Variants in PTPRD observed in about 807,000 individuals in gnomAD.
PTPRD encodes protein tyrosine phosphatase receptor type D.
Under a neutral mutation model 214.5 loss-of-function variants are expected in PTPRD, and 34 were observed. That is an observed-to-expected ratio of 0.16 (90% CI 0.12 to 0.21). The LOEUF (loss-of-function observed/expected upper bound fraction) is 0.21. Among genes scored for constraint, PTPRD ranks in the 10% least tolerant of loss-of-function variants. The pLI, the probability that PTPRD is intolerant of heterozygous loss-of-function variation, is 1.00. For synonymous variants in PTPRD, 1,128 were observed against 845.7 expected, an observed-to-expected ratio of 1.33 and a Z score of -5.79; for missense variants, 2,545 against 2,398.7, an observed-to-expected ratio of 1.06 and a Z score of -1.27.
In PTPRD at chr9:9,333,504, T is replaced by TATATATATATATATATATATATA. The variant is rs1555249397; in HGVS notation, c.-203+63944_-203+63945insTATATATATATATATATATATAT. On this transcript the variant is annotated intron_variant, in intron 9 of 45. Coordinates refer to ENST00000381196, the MANE Select transcript of PTPRD (RefSeq NM_002839.4). ...TAAAACATATATATTATATAGTATA[T>TATATATATATATATATATATATA]TATATATATATATATATATATAAAG... Among the ~76,000 whole-genome samples, 357 of 137,160 alleles carry TATATATATATATATATATATATA rather than the reference T, an allele frequency of 2.6e-3. 12 individuals carry two copies. The highest frequency in any genetic ancestry group is 9.8e-3 in the African/African-American group (337 of 34,222). The allele number at this position is 137,160 out of a possible 152,430, so 90.0% of individuals were successfully genotyped here. A position where few individuals can be genotyped will look rare whatever the true frequency, so the allele number is the denominator to read the frequency against.
At chr9:8,628,233 T>C (rs1204934095) in intron 14 of PTPRD, among the ~76,000 whole-genome samples, 1 of 151,854 alleles carries the variant, frequency 6.6e-6, no homozygotes, top group African/African-American at 2.4e-5. Flanking sequence ...GAGGCATTAA[T>C]AAAATGAGAC....
intron 11 of PTPRD, among the ~76,000 whole-genome samples, chr9:8,965,028 G>A (rs1014772903): frequency 1.3e-5 from 2 of 151,950 alleles, no homozygotes; most frequent in African/African-American, 4.8e-5. Context: ...TATGGTGATG[G>A]GTGCATGTAG....
intron 2 of PTPRD, among the ~76,000 whole-genome samples, chr9:10,594,600 T>C (rs2076212714): frequency 6.6e-6 from 1 of 152,044 alleles, no homozygotes; most frequent in East Asian, 1.9e-4. Context: ...TGGAGTTTAA[T>C]GGCTGACAGA....
chr9:9,683,864 A>C (rs1399643149), intron 7 of PTPRD, among the ~76,000 whole-genome samples: 1 of 151,768 alleles, frequency 6.6e-6, no homozygotes, highest in Non-Finnish European at 1.5e-5. Context: ...ACTTTAAGTT[A>C]GTTCGGGTTC....
At chr9:10,576,912 T>C (rs532397693) in intron 2 of PTPRD, among the ~76,000 whole-genome samples, 2 of 152,286 alleles carry the variant, frequency 1.3e-5, no homozygotes, top group South Asian at 4.1e-4. Context: ...CCCTTATATT[T>C]AATATGTTCA....
At chr9:9,925,523 A>C (rs1381027659) in intron 5 of PTPRD, among the ~76,000 whole-genome samples, 1 of 152,062 alleles carries the variant, frequency 6.6e-6, no homozygotes, top group African/African-American at 2.4e-5. Context: ...ACTTCACATT[A>C]GTTTTTTTAA....
chr9:10,352,478 T>C (rs1029012708), intron 2 of PTPRD, among the ~76,000 whole-genome samples: 11 of 152,186 alleles, frequency 7.2e-5, no homozygotes, highest in African/African-American at 1.9e-4. Context: ...AGTAGAAATT[T>C]TACATCACCT....
intron 8 of PTPRD, among the ~76,000 whole-genome samples, chr9:9,566,855 C>T (rs916694308): frequency 1.3e-4 from 20 of 152,098 alleles, no homozygotes; most frequent in Non-Finnish European, 2.5e-4. Flanking sequence ...TCCGAACATT[C>T]GCTCTGCTTA....
intron 7 of PTPRD, among the ~76,000 whole-genome samples, chr9:9,626,379 GC>G (rs1195186574): frequency 6.6e-6 from 1 of 152,118 alleles, no homozygotes; most frequent in Non-Finnish European, 1.5e-5. Context: ...CCAGCATAGT[GC>G]CTAACAAGTC....
At chr9:9,511,171 T>C (rs57940179) in intron 8 of PTPRD, among the ~76,000 whole-genome samples, 81 of 151,936 alleles carry the variant, frequency 5.3e-4, no homozygotes, top group African/African-American at 1.9e-3. Context: ...CAATTAAAAA[T>C]ATCACACTGT....
intron 9 of PTPRD, among the ~76,000 whole-genome samples, chr9:9,302,365 G>A (rs1412905293): frequency 6.6e-6 from 1 of 151,766 alleles, no homozygotes; most frequent in Admixed American, 6.6e-5. Flanking sequence ...GTTATTGATA[G>A]GCAGCTCTCT....
chr9:9,660,972 C>T (rs1017733537), intron 7 of PTPRD, among the ~76,000 whole-genome samples: 1 of 151,976 alleles, frequency 6.6e-6, no homozygotes, highest in African/African-American at 2.4e-5. Context: ...TGTTAGGCAG[C>T]TTCATATGGA....
intron 2 of PTPRD, among the ~76,000 whole-genome samples, chr9:10,536,848 T>C (rs187277641): frequency 6.6e-6 from 1 of 152,318 alleles, no homozygotes; most frequent in Non-Finnish European, 1.5e-5. Flanking sequence ...CCCTATTTCA[T>C]GGTACCAATT....
At chr9:8,825,812 C>CT (rs59655384) in intron 11 of PTPRD, among the ~76,000 whole-genome samples, 108,255 of 151,958 alleles carry the variant, frequency 0.71, 39,146 homozygotes, top group African/African-American at 0.84. Context: ...GAGTAACTTC[C>CT]GACATTCCCA....
intron 9 of PTPRD, among the ~76,000 whole-genome samples, chr9:9,261,631 TGTGCATGTGCATGCAC>T (rs2099980148): frequency 7.0e-6 from 1 of 142,500 alleles, no homozygotes; most frequent in Non-Finnish European, 1.5e-5. Context: ...TGTGTGCGTG[TGTGCATGTGCATGCAC>T]GTGTGTGTGT....
chr9:9,794,761 G>A lies in PTPRD; in HGVS notation c.-367-27910C>T, dbSNP rs113657703. ...TATTCTGTCTGGAATCAAACCTGTA[G>A]TAAGTAACTCAAACTGAGTATCTCT... On this transcript the variant is annotated intron_variant, in intron 5 of 45. Coordinates refer to ENST00000381196, the MANE Select transcript of PTPRD (RefSeq NM_002839.4). Among the ~76,000 whole-genome samples, 386 of 152,336 alleles carry A rather than the reference G, an allele frequency of 2.5e-3. 1 individual carries two copies. The highest frequency in any genetic ancestry group is 8.8e-3 in the African/African-American group (368 of 41,590).
At chr9:8,712,458 T>C (rs1466457595) in intron 12 of PTPRD, among the ~76,000 whole-genome samples, 1 of 152,110 alleles carries the variant, frequency 6.6e-6, no homozygotes, top group African/African-American at 2.4e-5. Context: ...TTTTTTTTTT[T>C]TCTTTTTGGA....
intron 21 of PTPRD, among the ~76,000 whole-genome samples, chr9:8,510,930 C>T (rs1418122608): frequency 3.3e-5 from 5 of 152,092 alleles, no homozygotes; most frequent in Non-Finnish European, 5.9e-5. Context: ...GGACTACTTT[C>T]ATTATCTGTC....
intron 7 of PTPRD, among the ~76,000 whole-genome samples, chr9:9,645,405 GTTGAT>G (rs2096122495): frequency 6.6e-6 from 1 of 150,762 alleles, no homozygotes; most frequent in Non-Finnish European, 1.5e-5. Context: ...TAATATAAGT[GTTGAT>G]TTGCTTTGTT....
Sources: gnomAD v4.1 joint callset for allele counts (sites outside exome capture counted in the v4.1 genomes callset) on GRCh38, gnomAD v4.1.1 for gene constraint, MANE v1.5 for transcripts, NCBI Gene and HGNC (gene_info 2026-07-23, HGNC 2026-07-21) for gene names.